Variants in FAM114A1 observed in about 807,000 individuals in gnomAD.
FAM114A1 encodes family with sequence similarity 114 member A1, also known as protein NOXP20.
A neutral mutation model predicts 64.3 loss-of-function variants in FAM114A1; 62 were observed. The ratio of observed to expected loss-of-function variants is 0.96; its 90% confidence interval spans 0.79 to 1.19. The LOEUF (loss-of-function observed/expected upper bound fraction) is 1.19, where lower values mean the gene tolerates loss of function less well. Ranked by LOEUF, FAM114A1 falls within the 50% of genes most tolerant of loss-of-function variation. The pLI is 0.00. For missense variants in FAM114A1, 645 were observed against 676.3 expected (o/e 0.95, Z 0.51); for synonymous variants, 254 against 251.1 (o/e 1.01, Z -0.11).
At chr4:38,890,163 T>TG (rs1340547089) in intron 3 of FAM114A1, among the ~76,000 whole-genome samples, 1 of 152,094 alleles carries the variant, frequency 6.6e-6, no homozygotes, top group African/African-American at 2.4e-5. Context: ...CCTAGCACTT[T>TG]GGGAGGCCAA....
Position 38,935,398 on chromosome 4 carries a change from A to G in FAM114A1, c.1464-320A>G, listed in dbSNP as rs115943531. Among the ~76,000 whole-genome samples the G allele has an allele frequency of 9.3e-3, 1,421 of 152,128 alleles. 22 individuals are homozygous for G. Among genetic ancestry groups the G allele is most frequent in the South Asian group, 0.053 (255 of 4,820 alleles). On this transcript the variant is annotated intron_variant, in intron 12 of 14. Transcript: ENST00000358869. ...AGCTGGAAACCAGCCGTCTGGCCAG[A>G]GTGTATAAGCTCTACACATGTGGAG...
chr4:38,875,603 A>G (rs1714534916), intron 2 of FAM114A1, among the ~76,000 whole-genome samples: 1 of 152,228 alleles, frequency 6.6e-6, no homozygotes, highest in South Asian at 2.1e-4. Flanking sequence ...GTGTAGAATC[A>G]TATCATCTGC....
At chr4:38,920,053 A>G (rs1446410239) in intron 8 of FAM114A1, among the ~76,000 whole-genome samples, 1 of 152,140 alleles carries the variant, frequency 6.6e-6, no homozygotes, top group Admixed American at 6.6e-5. Flanking sequence ...TACAAAAAAT[A>G]CAAAAATTAG....
intron 3 of FAM114A1, among the ~76,000 whole-genome samples, chr4:38,880,115 GAATAGAA>G (rs1715093664): frequency 1.2e-5 from 1 of 80,828 alleles, no homozygotes. Context: ...GAGTAGAATA[GAATAGAA>G]TAGAATAGAA....
chr4:38,915,743 T>TGG (rs1276129709), intron 8 of FAM114A1, among the ~76,000 whole-genome samples: 28 of 114,174 alleles, frequency 2.5e-4, no homozygotes, highest in African/African-American at 6.7e-4. Flanking sequence ...GCATCTATAG[T>TGG]GGTGTGTGTG....
intron 13 of FAM114A1, among the ~76,000 whole-genome samples, chr4:38,936,711 C>T (rs1008918597): frequency 6.6e-6 from 1 of 152,124 alleles, no homozygotes; most frequent in East Asian, 1.9e-4. Flanking sequence ...CGCCACCACG[C>T]CCAGCTAACT....
intron 3 of FAM114A1, among the ~76,000 whole-genome samples, 197 bp downstream of exon 3, chr4:38,878,623 T>G (rs1392029987): frequency 6.6e-6 from 1 of 152,192 alleles, no homozygotes; most frequent in Non-Finnish European, 1.5e-5. Context: ...TTGATAAGTG[T>G]ATTATTAACA....
intron 9 of FAM114A1, among the ~76,000 whole-genome samples, chr4:38,925,963 A>G (rs896643112): frequency 1.3e-5 from 2 of 152,168 alleles, no homozygotes; most frequent in African/African-American, 4.8e-5. Context: ...AAGTGCTTGT[A>G]TCTTAATTTA....
At chr4:38,932,856 G>T (rs1369118489) in intron 12 of FAM114A1, among the ~76,000 whole-genome samples, 1 of 136,760 alleles carries the variant, frequency 7.3e-6, no homozygotes, top group Non-Finnish European at 1.6e-5. Flanking sequence ...AAGAAATAAG[G>T]ATTTTTTTTT....
At position 38,943,473 on chromosome 4, in the gene FAM114A1, G is replaced by C; in HGVS notation, c.1608G>C (p.Thr536=). Residue 536 remains threonine, a synonymous_variant, in exon 15 of 15, where the codon ACG becomes ACC. Transcript: ENST00000358869. ...SVLLEGCNST[T]YIQDAFQLLL... is the part of the protein sequence containing the mutation. ...TCTCACAGGGCTGCAACAGTACAAC[G>C]TACATACAGGATGCCTTCCAGCTGC... 6.2e-7 allele frequency: 1 copy of C among 1,613,994 alleles called. No homozygotes were observed. The highest frequency in any genetic ancestry group is 8.5e-7 in the Non-Finnish European group (1 of 1,179,926).
At chr4:38,896,901 A>T (rs1421775330) in intron 4 of FAM114A1, among the ~76,000 whole-genome samples, 1 of 152,230 alleles carries the variant, frequency 6.6e-6, no homozygotes, top group East Asian at 1.9e-4. Flanking sequence ...CAGAAACCTC[A>T]TGTATACCCC....
intron 4 of FAM114A1, among the ~76,000 whole-genome samples, chr4:38,895,907 T>C (rs959556517): frequency 5.9e-5 from 9 of 152,220 alleles, no homozygotes; most frequent in African/African-American, 9.6e-5. Flanking sequence ...TATGATCTTA[T>C]GGGACCACTG....
chr4:38,907,482 C>T (rs1389605540), intron 6 of FAM114A1, among the ~76,000 whole-genome samples: 1 of 152,102 alleles, frequency 6.6e-6, no homozygotes, highest in Non-Finnish European at 1.5e-5. Flanking sequence ...ATTTTATTCT[C>T]AATAAAATAA....
intron 3 of FAM114A1, among the ~76,000 whole-genome samples, chr4:38,886,990 G>A (rs903477796): frequency 5.9e-5 from 9 of 151,434 alleles, no homozygotes; most frequent in Admixed American, 1.3e-4. Flanking sequence ...GAAAAAGGCC[G>A]AAAAGCTAGG....
intron 2 of FAM114A1, among the ~76,000 whole-genome samples, chr4:38,875,189 A>T (rs1209451066): frequency 1.2e-5 from 1 of 80,666 alleles, no homozygotes; most frequent in African/African-American, 5.1e-5. Flanking sequence ...ATTTTAGAAT[A>T]TTTTTTTCTA....
intron 12 of FAM114A1, among the ~76,000 whole-genome samples, chr4:38,934,479 A>G (rs1720917972): frequency 6.6e-6 from 1 of 152,190 alleles, no homozygotes; most frequent in Admixed American, 6.5e-5. Flanking sequence ...CTTTTATCAA[A>G]GCAAAACTTA....
intron 3 of FAM114A1, among the ~76,000 whole-genome samples, chr4:38,884,250 A>G (rs1054202128): frequency 2.6e-5 from 4 of 152,184 alleles, no homozygotes; most frequent in African/African-American, 9.6e-5. Context: ...CAGCCTCCCA[A>G]AGTGCTGGGA....
chr4:38,897,123 A>G (rs894012425), intron 4 of FAM114A1, among the ~76,000 whole-genome samples: 2 of 152,236 alleles, frequency 1.3e-5, no homozygotes, highest in Admixed American at 1.3e-4. Flanking sequence ...TGAGCACTGT[A>G]CCATGAGTCA....
intron 8 of FAM114A1, among the ~76,000 whole-genome samples, chr4:38,921,587 C>T (rs1391997864): frequency 6.6e-6 from 1 of 152,106 alleles, no homozygotes; most frequent in Non-Finnish European, 1.5e-5. Context: ...TAACTGTATA[C>T]AGAGGATAGT....
Sources: allele counts gnomAD v4.1 joint callset (sites outside exome capture counted in the v4.1 genomes callset), GRCh38; gene constraint gnomAD v4.1.1; transcripts MANE v1.5; gene names NCBI Gene and HGNC (gene_info 2026-07-23, HGNC 2026-07-21).